The following CHL1 variants were observed in gnomAD, a reference collection of about 807,000 sequenced individuals.
CHL1 encodes the protein neural cell adhesion molecule L1-like protein.
Under a neutral mutation model 141.9 loss-of-function variants are expected in CHL1, and 96 were observed. That is an observed-to-expected ratio of 0.68 (90% CI 0.57 to 0.80). The LOEUF is 0.80. CHL1 is among the 30% of genes least tolerant of loss of function. CHL1 has a pLI of 0.00. For synonymous variants in CHL1, 613 were observed against 502.2 expected (o/e 1.22, Z -2.95); for missense variants, 1,820 against 1,457.2 (o/e 1.25, Z -4.05).
chr3:220,380 G>A (rs1270932036), intron 1 of CHL1, among the ~76,000 whole-genome samples: 1 of 152,154 alleles, frequency 6.6e-6, no homozygotes, highest in Admixed American at 6.5e-5. Flanking sequence ...GAGGTGGAAG[G>A]ATCTCTTGAG....
intron 4 of CHL1, among the ~76,000 whole-genome samples, chr3:327,388 C>G (rs770051114): frequency 4.4e-4 from 67 of 150,858 alleles, no homozygotes; most frequent in Admixed American, 8.7e-4. Context: ...AGAACTGACA[C>G]TCTAGCATAC....
At position 353,926 on chromosome 3, in the gene CHL1, A is replaced by T. The variant is rs185747866; in HGVS notation, c.1034-714A>T. Among the ~76,000 whole-genome samples, 253 of 152,302 alleles carry T rather than the reference A, an allele frequency of 1.7e-3. 2 individuals carry two copies. The highest frequency in any genetic ancestry group is 6.1e-3 in the African/African-American group (252 of 41,588). On this transcript the variant is annotated intron_variant, in intron 10 of 27. Transcript: ENST00000256509. ...ATGAAGTTATAAAACATAGAGTTAT[A>T]AAAACATGGAAATCCAGTAAAATGT...
chr3:389,329 G>T lies in CHL1; in HGVS notation c.2325G>T (p.Glu775Asp). The change falls in exon 20 of 28, where the codon GAG becomes GAT. Residue 775 changes from glutamate (E) to aspartate (D), a missense_variant. Coordinates refer to ENST00000256509, the MANE Select transcript of CHL1 (RefSeq NM_006614.4). ...VTWKPQGAPVEWEEETVTNHT... is the reference protein window; with the variant it reads ...VTWKPQGAPVDWEEETVTNHT... ...GGAAGCCACAGGGAGCCCCAGTGGA[G>T]TGGGAAGAAGAAACAGTCACAAACC... 6.2e-7 allele frequency: 1 copy of T among 1,614,074 alleles called. No individual in the cohort carries two copies. The highest frequency in any genetic ancestry group is 2.2e-5 in the East Asian group (1 of 44,886).
chr3:286,076 C>G (rs143870222), intron 2 of CHL1, among the ~76,000 whole-genome samples: 68 of 152,176 alleles, frequency 4.5e-4, no homozygotes, highest in African/African-American at 1.5e-3. Flanking sequence ...TTTCATAATT[C>G]TGATTCCAAG....
At chr3:348,287 C>G (rs541303994) in intron 9 of CHL1, among the ~76,000 whole-genome samples, 2 of 152,256 alleles carry the variant, frequency 1.3e-5, no homozygotes, top group South Asian at 4.1e-4. Context: ...TAAATGATCA[C>G]AATAATATGC....
intron 26 of CHL1, among the ~76,000 whole-genome samples, chr3:400,411 C>G (rs191588675): frequency 6.6e-6 from 1 of 152,198 alleles, no homozygotes; most frequent in Admixed American, 6.5e-5. Flanking sequence ...TTATCCCCAA[C>G]AGATAATCAT....
intron 11 of CHL1, among the ~76,000 whole-genome samples, chr3:355,476 C>G (rs1703629306): frequency 6.6e-6 from 1 of 152,222 alleles, no homozygotes; most frequent in African/African-American, 2.4e-5. Context: ...AAATCTTCCA[C>G]TGGAACCTAG....
At chr3:328,046 T>G in intron 4 of CHL1, 121 bp from the exon 5 acceptor site, 1 of 629,842 alleles carries the variant, frequency 1.6e-6, no homozygotes, top group Non-Finnish European at 2.6e-6. Context: ...TTATATTCCA[T>G]TAAGTATATA....
chr3:341,591 A>G (rs1440298623), intron 6 of CHL1, among the ~76,000 whole-genome samples: 2 of 152,238 alleles, frequency 1.3e-5, no homozygotes, highest in African/African-American at 4.8e-5. Context: ...GTCTGCATTG[A>G]TCAGTTTTCA....
In CHL1 at chr3:331,161, T is replaced by A. The variant is rs116538822; in HGVS notation, c.385+2807T>A. ...ACAATACGTTTATCACCAGGGTCAT[T>A]AATACAGAGAAAGATTTCTTTTCCT... On this transcript the variant is annotated intron_variant, in intron 5 of 27. Transcript: ENST00000256509. 3.5e-3 allele frequency among the ~76,000 whole-genome samples: 526 copies of A among 152,292 alleles called. 5 individuals are homozygous for A. Among genetic ancestry groups the A allele is most frequent in the African/African-American group, 0.012 (489 of 41,558 alleles).
intron 15 of CHL1, among the ~76,000 whole-genome samples, chr3:369,671 G>C (rs57751793): frequency 0.036 from 5,503 of 152,260 alleles, 346 homozygotes; most frequent in African/African-American, 0.13. Context: ...TCCTTGTCTT[G>C]TACTAGTTTG....
intron 2 of CHL1, among the ~76,000 whole-genome samples, chr3:318,578 C>G (rs1274081390): frequency 6.6e-6 from 1 of 151,350 alleles, no homozygotes; most frequent in African/African-American, 2.4e-5. Context: ...AAATTAAAAC[C>G]TTAATTCTTA....
In CHL1 at chr3:407,149, G is replaced by C. The variant is rs879327324; in HGVS notation, c.*1438G>C. ...TGCATACATGTCGGTCAAGTTCAGC[G>C]CTCGACATTTTATGGAAAGATTTTT... On this transcript the variant is annotated 3_prime_UTR_variant, in exon 28 of 28. Coordinates refer to ENST00000256509, the MANE Select transcript of CHL1 (RefSeq NM_006614.4). 1 of 152,054 alleles carries C rather than the reference G, an allele frequency of 6.6e-6. No individual in the cohort carries two copies. Among genetic ancestry groups the C allele is most frequent in the Admixed American group, 6.6e-5 (1 of 15,242 alleles). 9.4% of individuals were successfully genotyped at this position (152,054 alleles called of 1,614,324 possible).
At chr3:314,399 A>C (rs1307059288) in intron 2 of CHL1, among the ~76,000 whole-genome samples, 2 of 128,508 alleles carry the variant, frequency 1.6e-5, no homozygotes, top group African/African-American at 5.6e-5. Flanking sequence ...TTATTGCATC[A>C]ATTTGTTTAT....
intron 14 of CHL1, among the ~76,000 whole-genome samples, chr3:364,724 G>A (rs759405563): frequency 1.5e-4 from 23 of 152,150 alleles, no homozygotes; most frequent in Non-Finnish European, 1.6e-4. Context: ...ATGAGCTTTA[G>A]TCTCAGGCAG....
intron 11 of CHL1, among the ~76,000 whole-genome samples, chr3:358,307 C>A (rs543560892): frequency 5.9e-5 from 9 of 152,262 alleles, no homozygotes; most frequent in Admixed American, 5.9e-4. Flanking sequence ...CTCTGACCAT[C>A]CTTCCATGGT....
chr3:357,666 A>G (rs537265000), intron 11 of CHL1, among the ~76,000 whole-genome samples: 11 of 152,356 alleles, frequency 7.2e-5, no homozygotes, highest in African/African-American at 2.6e-4. Flanking sequence ...TGTGTTTTAT[A>G]AAGACTTGGC....
Position 325,985 on chromosome 3 carries a change from C to A in CHL1, c.118C>A (p.Gln40Lys), listed in dbSNP as rs1559258051. The A allele has an allele frequency of 1.2e-6, 2 of 1,610,856 alleles. No individual in the cohort carries two copies. Among genetic ancestry groups the A allele is most frequent in the South Asian group, 1.1e-5 (1 of 90,872 alleles). ...TCAACAGGTTCCAACAATCATAAAA[C>A]AGTCAAAAGTCCAAGTTGCCTTTCC... Reference protein sequence around the residue: ...SVQQVPTIIKQSKVQVAFPFD... With the variant: ...SVQQVPTIIKKSKVQVAFPFD... The change falls in exon 4 of 28, where the codon CAG (glutamine) becomes AAG (lysine). Residue 40 changes from glutamine (Q) to lysine (K), a missense_variant. By Grantham distance (53) the Gln-to-Lys change is moderately conservative. Transcript: ENST00000256509.
chr3:333,835 AC>A (rs1406413538), intron 5 of CHL1, among the ~76,000 whole-genome samples: 1 of 152,212 alleles, frequency 6.6e-6, no homozygotes, highest in Non-Finnish European at 1.5e-5. Context: ...TCCTAATTTG[AC>A]TGTTGAATAC....
Sources: gnomAD v4.1 joint callset for allele counts (sites outside exome capture counted in the v4.1 genomes callset) on GRCh38, gnomAD v4.1.1 for gene constraint, MANE v1.5 for transcripts, NCBI Gene and HGNC (gene_info 2026-07-23, HGNC 2026-07-21) for gene names.